PARD3B: variants seen among roughly 807,000 people sequenced by gnomAD.
The protein encoded by PARD3B is par-3 family cell polarity regulator beta, also known as partitioning defective 3 homolog B.
PARD3B carries 103 observed loss-of-function variants against 130.2 expected under a neutral mutation model. The ratio of observed to expected loss-of-function variants is 0.79; its 90% CI spans 0.67 to 0.93. The LOEUF (loss-of-function observed/expected upper bound fraction) is 0.93, where lower values mean the gene tolerates loss of function less well. Among genes scored for constraint, PARD3B ranks in the 40% least tolerant of loss-of-function variants. The pLI is 0.00. For missense variants in PARD3B, 1,609 were observed against 1,499.2 expected, an observed-to-expected ratio of 1.07 and a Z score of -1.21; for synonymous variants, 583 against 553.2, an observed-to-expected ratio of 1.05 and a Z score of -0.76.
Position 204,545,607 on chromosome 2 carries a change from A to C in PARD3B, c.-393A>C, listed in dbSNP as rs1226381317. Among the ~76,000 whole-genome samples the C allele has an allele frequency of 2.2e-4, 33 of 151,814 alleles. No homozygotes were observed. The highest frequency in any genetic ancestry group is 7.4e-5 in the Non-Finnish European group (5 of 67,894). On this transcript the variant is annotated 5_prime_UTR_variant, in exon 1 of 23. Transcript: ENST00000406610. ...CCCCGGCTTGGGGCCGGCCCTGCCA[A>C]CGCCGCCAGGGCCAGGGCCAGGGCC...
intron 2 of PARD3B, among the ~76,000 whole-genome samples, chr2:204,791,102 C>T (rs2042185674): frequency 8.8e-6 from 1 of 113,062 alleles, no homozygotes; most frequent in Admixed American, 1.1e-4. Context: ...TAGACTCTGT[C>T]TCAAAAAAAT....
intron 15 of PARD3B, among the ~76,000 whole-genome samples, chr2:205,225,475 G>A (rs895125789): frequency 6.6e-6 from 1 of 152,050 alleles, no homozygotes; most frequent in Non-Finnish European, 1.5e-5. Context: ...CTCTGGAGTT[G>A]TTTGAGCTCT....
chr2:205,409,959 A>G (rs996857596), intron 19 of PARD3B, among the ~76,000 whole-genome samples: 1 of 152,214 alleles, frequency 6.6e-6, no homozygotes, highest in African/African-American at 2.4e-5. Context: ...CGTATTAAAT[A>G]CAGAAATAGA....
chr2:205,116,043 T>C lies in PARD3B; in HGVS notation c.680+2466T>C, dbSNP rs1704000989. Reference sequence around the variant, plus strand: ...AAATTATAGTGGCTGCTCTGCTAGATAAAGCCTCAATGAATTCATTAGATA... The same window carrying C: ...AAATTATAGTGGCTGCTCTGCTAGACAAAGCCTCAATGAATTCATTAGATA... On this transcript the variant is annotated intron_variant, in intron 6 of 22. Coordinates refer to ENST00000406610, the MANE Select transcript of PARD3B (RefSeq NM_001302769.2). This position sits in a 1 kb window ranked among gnomAD's most constrained non-coding sequence, Gnocchi z 4.5. Among the ~76,000 whole-genome samples the C allele has an allele frequency of 6.6e-6, 1 of 152,122 alleles. No individual in the cohort carries two copies. The highest frequency in any genetic ancestry group is 2.4e-5 in the African/African-American group (1 of 41,422).
At chr2:205,344,308 T>C (rs1480099967) in intron 18 of PARD3B, among the ~76,000 whole-genome samples, 1 of 147,474 alleles carries the variant, frequency 6.8e-6, no homozygotes, top group African/African-American at 2.5e-5. Context: ...GGATATGGAG[T>C]GGATGAGGCA....
intron 2 of PARD3B, among the ~76,000 whole-genome samples, chr2:204,880,942 T>C (rs2046023105): frequency 6.6e-6 from 1 of 152,210 alleles, no homozygotes; most frequent in Non-Finnish European, 1.5e-5. Context: ...TATTTTATCA[T>C]ATTTCATTAA....
At chr2:205,271,642 A>T (rs1168632238) in intron 16 of PARD3B, among the ~76,000 whole-genome samples, 1 of 152,194 alleles carries the variant, frequency 6.6e-6, no homozygotes, top group African/African-American at 2.4e-5. Context: ...CTTCATTTTG[A>T]TACTTAGCAA....
intron 18 of PARD3B, among the ~76,000 whole-genome samples, chr2:205,323,212 C>A (rs1219931712): frequency 6.6e-6 from 1 of 151,922 alleles, no homozygotes; most frequent in African/African-American, 2.4e-5. Flanking sequence ...CCTGGCCTAA[C>A]ACCCCCTTTT....
At chr2:205,100,992 G>C (rs1702742682) in intron 4 of PARD3B, among the ~76,000 whole-genome samples, 2 of 152,072 alleles carry the variant, frequency 1.3e-5, no homozygotes, top group Non-Finnish European at 2.9e-5. Flanking sequence ...AAATACATTG[G>C]ACTTCGTTAA....
At chr2:204,889,413 G>A (rs2046371167) in intron 2 of PARD3B, among the ~76,000 whole-genome samples, 1 of 152,150 alleles carries the variant, frequency 6.6e-6, no homozygotes, top group African/African-American at 2.4e-5. Flanking sequence ...CAATGAGCAG[G>A]ACCAGTTACA....
At chr2:204,566,864 G>A (rs929617782) in intron 1 of PARD3B, among the ~76,000 whole-genome samples, 29 of 151,338 alleles carry the variant, frequency 1.9e-4, no homozygotes, top group African/African-American at 7.1e-4. Context: ...GGGTAGGAAA[G>A]CAGGCTTTCT....
At chr2:204,585,143 C>T (rs981523955) in intron 1 of PARD3B, among the ~76,000 whole-genome samples, 1 of 152,180 alleles carries the variant, frequency 6.6e-6, no homozygotes, top group Non-Finnish European at 1.5e-5. Flanking sequence ...TCTCCCTCTT[C>T]CCTCTTGTTT....
Position 204,604,326 on chromosome 2 carries a change from G to GA in PARD3B, c.120+58213dup, listed in dbSNP as rs545745797. Among the ~76,000 whole-genome samples, 334 of 152,176 alleles carry GA rather than the reference G, an allele frequency of 2.2e-3. 3 individuals carry two copies. The highest frequency in any genetic ancestry group is 7.4e-3 in the African/African-American group (308 of 41,540). ...TTCCATTCTGGAATTCTTGGTATCAGAAAAAAGGTTTTATTATTAGCTCAG... is the reference window on the plus strand; with the variant it reads ...TTCCATTCTGGAATTCTTGGTATCAGAAAAAAAGGTTTTATTATTAGCTCAG... On this transcript the variant is annotated intron_variant, in intron 1 of 22. Coordinates refer to ENST00000406610, the MANE Select transcript of PARD3B (RefSeq NM_001302769.2).
At chr2:204,914,913 A>G (rs567417091) in intron 2 of PARD3B, among the ~76,000 whole-genome samples, 3 of 152,240 alleles carry the variant, frequency 2.0e-5, no homozygotes, top group African/African-American at 4.8e-5. Flanking sequence ...CCCACAGCCA[A>G]GGAGGTCTGT....
chr2:205,048,385 C>T (rs1698947724), intron 4 of PARD3B: 1 of 152,148 alleles, frequency 6.6e-6, no homozygotes, highest in Non-Finnish European at 1.5e-5. Context: ...ATGATATTCT[C>T]CTTCCATATA....
chr2:204,927,860 GTAGA>G (rs199752520), intron 2 of PARD3B, among the ~76,000 whole-genome samples: 1,666 of 152,104 alleles, frequency 0.011, 30 homozygotes, highest in African/African-American at 0.037. Context: ...AGGTAGGTAG[GTAGA>G]TAGATAGATA....
intron 4 of PARD3B, among the ~76,000 whole-genome samples, chr2:205,079,413 G>A (rs924212010): frequency 6.6e-6 from 1 of 152,148 alleles, no homozygotes; most frequent in South Asian, 2.1e-4. Flanking sequence ...TCTGGTAAGG[G>A]ATTCTCTCTG....
At chr2:204,861,210 C>G (rs1559206962) in intron 2 of PARD3B, among the ~76,000 whole-genome samples, 1 of 122,898 alleles carries the variant, frequency 8.1e-6, no homozygotes, top group Non-Finnish European at 1.6e-5. Context: ...CTCTCTCTCT[C>G]TCTCGTACCT....
At chr2:205,140,274 C>G (rs2032840296) in intron 10 of PARD3B, among the ~76,000 whole-genome samples, 1 of 152,114 alleles carries the variant, frequency 6.6e-6, no homozygotes, top group South Asian at 2.1e-4. Context: ...ATGTATAAGG[C>G]CATTCTGCCT....
Sources: gnomAD v4.1 joint callset for allele counts (sites outside exome capture counted in the v4.1 genomes callset) on GRCh38, gnomAD v4.1.1 for gene constraint, Gnocchi (gnomAD v3.1) non-coding constraint, MANE v1.5 for transcripts, NCBI Gene and HGNC (gene_info 2026-07-23, HGNC 2026-07-21) for gene names.